CELSR3: variants seen among roughly 807,000 people sequenced by gnomAD.
CELSR3 encodes the protein cadherin EGF LAG seven-pass G-type receptor 3.
Under a neutral mutation model 270.0 loss-of-function variants are expected in CELSR3, and 73 were observed. That is an observed-to-expected ratio of 0.27 (90% CI 0.22 to 0.33). The LOEUF (loss-of-function observed/expected upper bound fraction) is 0.33. Ranked by LOEUF, CELSR3 falls within the 10% of genes least tolerant of loss-of-function variation. CELSR3 has a pLI of 1.00. For synonymous variants in CELSR3, 1,780 were observed against 1,905.4 expected (o/e 0.93, Z 1.71); for missense variants, 3,614 against 4,533.8 (o/e 0.80, Z 5.83).
At position 48,650,815 on chromosome 3, in the gene CELSR3, C is replaced by T. The variant is rs1202583919; in HGVS notation, c.6370+77G>A. ...GAAGCTTCCAGAGTCCCCAAGGAGC[C>T]ATGTGTGCCACTGACACGTGATGGT... On this transcript the variant is annotated intron_variant, in intron 15 of 34. Coordinates refer to ENST00000164024, the MANE Select transcript of CELSR3 (RefSeq NM_001407.3). The surrounding 1 kb of genome is among the most constrained non-coding windows in gnomAD (Gnocchi z 5.1). 1 of 1,476,376 alleles carries T rather than the reference C, an allele frequency of 6.8e-7. No homozygotes were observed. The highest frequency in any genetic ancestry group is 1.4e-5 in the African/African-American group (1 of 71,316). The allele number at this position is 1,476,376 out of a possible 1,614,324, so 91.5% of individuals were successfully genotyped here.
rs1434904455 is a variant in CELSR3, at chr3:48,660,884, A to C, written c.1751T>G (p.Ile584Ser). 2 of 1,613,836 alleles carry C rather than the reference A, an allele frequency of 1.2e-6. No homozygotes were observed. The highest frequency in any genetic ancestry group is 1.7e-6 in the Non-Finnish European group (2 of 1,180,030). Residue 584 changes from isoleucine to serine, a missense_variant, in exon 1 of 35, where the codon ATC (isoleucine) becomes AGC (serine). Coordinates refer to ENST00000164024, the MANE Select transcript of CELSR3 (RefSeq NM_001407.3). This position sits in a 1 kb window ranked among gnomAD's most constrained non-coding sequence, Gnocchi z 5.5. ...KDANGLVHYN[I>S]ISGNSRGHFA... is the part of the protein sequence containing the mutation. The stretch of plus-strand genomic sequence containing the variant: ...GTGTCCACGGCTATTGCCACTGATG[A>C]TGTTGTAGTGCACCAATCCGTTGGC...
rs1559476833 is a variant in CELSR3 at position 48,644,980 on chromosome 3, C to T, written c.7972+55G>A. The T allele has an allele frequency of 6.4e-7, 1 of 1,553,076 alleles. No individual in the cohort carries two copies. Among genetic ancestry groups the T allele is most frequent in the East Asian group, 2.3e-5 (1 of 44,064 alleles). Reference sequence around the variant, plus strand: ...TGGGGGTCATGAGCAGGAGTGGGGACAGGGTCAGGGGTCAGGCCATGTGAT... The same window carrying T: ...TGGGGGTCATGAGCAGGAGTGGGGATAGGGTCAGGGGTCAGGCCATGTGAT... On this transcript the variant is annotated intron_variant, in intron 25 of 34. Transcript: ENST00000164024. The surrounding 1 kb of genome is among the most constrained non-coding windows in gnomAD (Gnocchi z 4.8).
At position 48,649,187 on chromosome 3, in the gene CELSR3, G is replaced by A. The variant is rs369691396; in HGVS notation, c.6501C>T (p.Ala2167=). Residue 2167 remains alanine (A), a synonymous_variant, in exon 17 of 35, where the codon GCC becomes GCT. Transcript: ENST00000164024. Reference sequence around the variant, plus strand: ...AGAGGTCGGGCTCCAGCCAACCCTGGGCCTCATCACACAGCCGCACAGCAG... The same window carrying A: ...AGAGGTCGGGCTCCAGCCAACCCTGAGCCTCATCACACAGCCGCACAGCAG... ...LGAAVRLCDE[A]QGWLEPDLFN... The A allele has an allele frequency of 1.2e-6, 2 of 1,611,530 alleles. No homozygotes were observed. Among genetic ancestry groups the A allele is most frequent in the African/African-American group, 2.7e-5 (2 of 74,860 alleles).
Position 48,645,020 on chromosome 3 carries a change from G to A in CELSR3, c.7972+15C>T. 1 of 1,565,322 alleles carries A rather than the reference G, an allele frequency of 6.4e-7. No homozygotes were observed. The highest frequency in any genetic ancestry group is 8.7e-7 in the Non-Finnish European group (1 of 1,149,258). Reference sequence around the variant, plus strand: ...GGCCATGTGATGGTTGGAGGTTGGGGGTCACAGCCCTCACCCAGCAGCACA... The same window carrying A: ...GGCCATGTGATGGTTGGAGGTTGGGAGTCACAGCCCTCACCCAGCAGCACA... On this transcript the variant is annotated intron_variant, in intron 25 of 34. Coordinates refer to ENST00000164024, the MANE Select transcript of CELSR3 (RefSeq NM_001407.3). The surrounding 1 kb of genome is among the most constrained non-coding windows in gnomAD (Gnocchi z 5.4).
Position 48,644,724 on chromosome 3 carries a change from C to T in CELSR3, c.8077G>A (p.Val2693Ile), listed in dbSNP as rs1436120209. The change falls in exon 26 of 35, where the codon GTC (valine) becomes ATC (isoleucine). Residue 2693 changes from valine to isoleucine, a missense_variant. By Grantham distance (29) the Val-to-Ile change is conservative. Around this residue, in one of 7 missense-constraint regions of CELSR3, gnomAD observed 1,240 missense variants for 1,351.7 expected, o/e 0.92. Transcript: ENST00000164024. The surrounding 1 kb of genome is among the most constrained non-coding windows in gnomAD (Gnocchi z 4.8). Reference sequence around the variant, plus strand: ...AAGTCCAGGGCACTCACCACTATGACCAGGACAACAGGGCCAGCAAAGCTC... The same window carrying T: ...AAGTCCAGGGCACTCACCACTATGATCAGGACAACAGGGCCAGCAAAGCTC... ...IWSFAGPVVL[V>I]IVMNGTMFLL... is the part of the protein sequence containing the mutation. The T allele has an allele frequency of 3.7e-6, 6 of 1,612,950 alleles. No homozygotes were observed. The South Asian group carries it at 6.6e-5, about 18-fold the overall frequency.
Position 48,644,996 on chromosome 3 carries a change from G to A in CELSR3, c.7972+39C>T. 1 of 1,558,728 alleles carries A rather than the reference G, an allele frequency of 6.4e-7. No homozygotes were observed. Among genetic ancestry groups the A allele is most frequent in the Non-Finnish European group, 8.7e-7 (1 of 1,145,970 alleles). On this transcript the variant is annotated intron_variant, in intron 25 of 34. Transcript: ENST00000164024. The surrounding 1 kb of genome is among the most constrained non-coding windows in gnomAD (Gnocchi z 4.8). ...GAGTGGGGACAGGGTCAGGGGTCAG[G>A]CCATGTGATGGTTGGAGGTTGGGGG...
At position 48,642,754 on chromosome 3, in the gene CELSR3, C is replaced by T. The variant is rs771849616; in HGVS notation, c.8537G>A (p.Arg2846Gln). 1.2e-5 allele frequency: 20 copies of T among 1,611,254 alleles called. No individual in the cohort carries two copies. The South Asian group carries it at 1.9e-4, about 15-fold the overall frequency. ...SGRTQDQDSQ[R>Q]GRSYLRDNVL... ...CTCTCACCTGAGGTAGCTGCGGCCCCGCTGGCTGTCCTGGTCCTGGGTCCG... is the reference window on the plus strand; with the variant it reads ...CTCTCACCTGAGGTAGCTGCGGCCCTGCTGGCTGTCCTGGTCCTGGGTCCG... Residue 2846 changes from arginine (R) to glutamine (Q), a missense_variant, in exon 30 of 35, where the codon CGG becomes CAG. Around this residue, in one of 7 missense-constraint regions of CELSR3, gnomAD observed 1,240 missense variants for 1,351.7 expected, o/e 0.92. Coordinates refer to ENST00000164024, the MANE Select transcript of CELSR3 (RefSeq NM_001407.3). This position sits in a 1 kb window ranked among gnomAD's most constrained non-coding sequence, Gnocchi z 6.1.
chr3:48,642,892 T>C lies in CELSR3; in HGVS notation c.8407-8A>G. ...GTTGTAGGCCCCAGGTCCCTGGGGG[T>C]GGTAGGGACAGAGTGTGAGCTAACC... On this transcript the variant is annotated splice_polypyrimidine_tract_variant and splice_region_variant and intron_variant, in intron 29 of 34. Transcript: ENST00000164024. This position sits in a 1 kb window ranked among gnomAD's most constrained non-coding sequence, Gnocchi z 6.1. 3 of 1,611,946 alleles carry C rather than the reference T, an allele frequency of 1.9e-6. No individual in the cohort carries two copies. The highest frequency in any genetic ancestry group is 2.5e-6 in the Non-Finnish European group (3 of 1,179,396).
Position 48,661,652 on chromosome 3 carries a change from T to G in CELSR3, c.983A>C (p.Tyr328Ser), listed in dbSNP as rs759021678. The part of the protein sequence containing the change: ...AANRHPQFPQ[Y>S]NYQTLVPENE... ...CTCCGGCACCAGCGTCTGGTAGTTG[T>G]ACTGCGGAAACTGCGGGTGGCGGTT... is the stretch of plus-strand genomic sequence containing the variant. The change falls in exon 1 of 35, where the codon TAC (tyrosine) becomes TCC (serine). Residue 328 changes from tyrosine to serine, a missense_variant. Coordinates refer to ENST00000164024, the MANE Select transcript of CELSR3 (RefSeq NM_001407.3). 6.3e-7 allele frequency: 1 copy of G among 1,592,952 alleles called. No individual in the cohort carries two copies. Among genetic ancestry groups the G allele is most frequent in the South Asian group, 1.1e-5 (1 of 89,122 alleles).
chr3:48,654,048 G>A lies in CELSR3; in HGVS notation c.5153-45C>T. ...GGCGGACATGAGAACAAGGGTTGGG[G>A]GGCACAAGTGCTGGACAGGACTTTA... On this transcript the variant is annotated intron_variant, in intron 7 of 34. Coordinates refer to ENST00000164024, the MANE Select transcript of CELSR3 (RefSeq NM_001407.3). This position sits in a 1 kb window ranked among gnomAD's most constrained non-coding sequence, Gnocchi z 5.4. The A allele has an allele frequency of 6.2e-7, 1 of 1,601,296 alleles. No individual in the cohort carries two copies.
chr3:48,655,980 C>G lies in CELSR3; in HGVS notation c.4626-129G>C. On this transcript the variant is annotated intron_variant, in intron 3 of 34. Transcript: ENST00000164024. The surrounding 1 kb of genome is among the most constrained non-coding windows in gnomAD (Gnocchi z 5.8). ...AGCGACGAGGGACGGCGGGACCGAC[C>G]GGGGGGACGCGGGTGCAGCGAGGTC... 1 of 1,103,772 alleles carries G rather than the reference C, an allele frequency of 9.1e-7. No homozygotes were observed. The highest frequency in any genetic ancestry group is 1.3e-6 in the Non-Finnish European group (1 of 760,816). 68.4% of individuals were successfully genotyped at this position (1,103,772 alleles called of 1,614,324 possible).
At chr3:48,647,753 G>C in intron 20 of CELSR3, 88 bp downstream of exon 20, 1 of 1,378,488 alleles carries the variant, frequency 7.3e-7, no homozygotes, top group Non-Finnish European at 1.0e-6. Context: ...GGTCTAGAAA[G>C]GGGAAAATTG....
chr3:48,649,445 C>T (rs2047117366), intron 16 of CELSR3, among the ~76,000 whole-genome samples: 1 of 152,232 alleles, frequency 6.6e-6, no homozygotes, highest in Admixed American at 6.5e-5. Context: ...CCACACAAAG[C>T]ACAAGGGTGG....
Position 48,653,226 on chromosome 3 carries a change from A to G in CELSR3, c.5449-39T>C, listed in dbSNP as rs2047153301. ...TGCATAGCCCTGGGGTTAGAGCCCCATGTGGGCTGGGACTTGGAGGTGAGA... is the reference window on the plus strand; with the variant it reads ...TGCATAGCCCTGGGGTTAGAGCCCCGTGTGGGCTGGGACTTGGAGGTGAGA... On this transcript the variant is annotated intron_variant, in intron 9 of 34. Coordinates refer to ENST00000164024, the MANE Select transcript of CELSR3 (RefSeq NM_001407.3). This position sits in a 1 kb window ranked among gnomAD's most constrained non-coding sequence, Gnocchi z 6.5. 4 of 1,591,882 alleles carry G rather than the reference A, an allele frequency of 2.5e-6. No homozygotes were observed. Among genetic ancestry groups the G allele is most frequent in the Non-Finnish European group, 2.6e-6 (3 of 1,163,786 alleles).
Position 48,660,953 on chromosome 3 carries a change from T to C in CELSR3, c.1682A>G (p.His561Arg), listed in dbSNP as rs961667240. ...GGCCGTGACGCGCAGCACGACTGTG[T>C]GGGGGCGCACATCCTCGCGCACCTG... Reference protein sequence around the residue: ...VAQVREDVRPHTVVLRVTATD... With the variant: ...VAQVREDVRPRTVVLRVTATD... Residue 561 changes from histidine to arginine, a missense_variant, in exon 1 of 35, where the codon CAC (histidine) becomes CGC (arginine). By Grantham distance (29) the His-to-Arg change is conservative. This residue lies in a region of CELSR3 where 354 missense variants were observed against 500.9 expected (regional missense o/e 0.71). Transcript: ENST00000164024. This position sits in a 1 kb window ranked among gnomAD's most constrained non-coding sequence, Gnocchi z 5.5. 1 of 1,613,888 alleles carries C rather than the reference T, an allele frequency of 6.2e-7. No homozygotes were observed. Among genetic ancestry groups the C allele is most frequent in the Non-Finnish European group, 8.5e-7 (1 of 1,180,026 alleles).
rs1271793435 is a variant in CELSR3, at chr3:48,644,374, G to A, written c.8086-79C>T. 13 of 1,357,696 alleles carry A rather than the reference G, an allele frequency of 9.6e-6. No homozygotes were observed. The highest frequency in any genetic ancestry group is 1.4e-5 in the Non-Finnish European group (13 of 953,034). The allele number at this position is 1,357,696 out of a possible 1,614,324, so 84.1% of individuals were successfully genotyped here. A position where few individuals can be genotyped will look rare whatever the true frequency, so the allele number is the denominator to read the frequency against. ...AGAGAGGCAATGAGAGACAGAGAGA[G>A]ACTAAGATTCACGGAGAGAGGCAGA... On this transcript the variant is annotated intron_variant, in intron 26 of 34. Transcript: ENST00000164024. This position sits in a 1 kb window ranked among gnomAD's most constrained non-coding sequence, Gnocchi z 4.8.
chr3:48,654,042 G>A lies in CELSR3; in HGVS notation c.5153-39C>T, dbSNP rs1177709906. ...GCACATGGCGGACATGAGAACAAGG[G>A]TTGGGGGGCACAAGTGCTGGACAGG... On this transcript the variant is annotated intron_variant, in intron 7 of 34. Coordinates refer to ENST00000164024, the MANE Select transcript of CELSR3 (RefSeq NM_001407.3). This position sits in a 1 kb window ranked among gnomAD's most constrained non-coding sequence, Gnocchi z 5.4. 6.2e-7 allele frequency: 1 copy of A among 1,603,130 alleles called. No individual in the cohort carries two copies. Among genetic ancestry groups the A allele is most frequent in the Non-Finnish European group, 8.5e-7 (1 of 1,172,526 alleles).
In CELSR3 at chr3:48,655,411, T is replaced by C. The variant is rs2047171851; in HGVS notation, c.4742-17A>G. Reference sequence around the variant, plus strand: ...TGGATTCACCTGGAGGGGAGATGCATGTGGAATCATCAGGAGCAGCGGAGT... The same window carrying C: ...TGGATTCACCTGGAGGGGAGATGCACGTGGAATCATCAGGAGCAGCGGAGT... On this transcript the variant is annotated splice_polypyrimidine_tract_variant and intron_variant, in intron 4 of 34. Coordinates refer to ENST00000164024, the MANE Select transcript of CELSR3 (RefSeq NM_001407.3). The surrounding 1 kb of genome is among the most constrained non-coding windows in gnomAD (Gnocchi z 5.8). The C allele has an allele frequency of 6.2e-7, 1 of 1,613,336 alleles. No homozygotes were observed. Among genetic ancestry groups the C allele is most frequent in the Admixed American group, 1.7e-5 (1 of 60,006 alleles).
Position 48,652,405 on chromosome 3 carries a change from G to A in CELSR3, c.5751+32C>T. 6.6e-7 allele frequency: 1 copy of A among 1,519,578 alleles called. No homozygotes were observed. Among genetic ancestry groups the A allele is most frequent in the Non-Finnish European group, 9.1e-7 (1 of 1,094,238 alleles). 94.1% of individuals were successfully genotyped at this position (1,519,578 alleles called of 1,614,324 possible). A position where few individuals can be genotyped will look rare whatever the true frequency, so the allele number is the denominator to read the frequency against. On this transcript the variant is annotated intron_variant, in intron 11 of 34. Transcript: ENST00000164024. The surrounding 1 kb of genome is among the most constrained non-coding windows in gnomAD (Gnocchi z 4.3). ...CTGACTTCTGACCCCTGACCCTAAT[G>A]CCCCATATCACATTCCCATGCTGAC...
Sources: allele counts gnomAD v4.1 joint callset (sites outside exome capture counted in the v4.1 genomes callset), GRCh38; gene constraint gnomAD v4.1.1; regional missense constraint gnomAD v4.1.1; non-coding constraint Gnocchi (gnomAD v3.1); transcripts MANE v1.5; gene names NCBI Gene and HGNC (gene_info 2026-07-23, HGNC 2026-07-21).